PDE4D: variants seen among roughly 807,000 people sequenced by gnomAD.
The protein encoded by PDE4D is 3',5'-cyclic-AMP phosphodiesterase 4D.
In PDE4D, 24 loss-of-function variants were observed where a neutral mutation model predicts 87.4. That is an observed-to-expected ratio of 0.27 (90% CI 0.20 to 0.39). The LOEUF (loss-of-function observed/expected upper bound fraction) is 0.39. PDE4D is among the 10% of genes least tolerant of loss of function. The pLI is 1.00. For synonymous variants in PDE4D, 384 were observed against 383.2 expected (o/e 1.00, Z -0.02); for missense variants, 714 against 1,041.0 (o/e 0.69, Z 4.32).
At chr5:59,343,125 C>T (rs1779036401) in intron 1 of PDE4D, among the ~76,000 whole-genome samples, 1 of 151,970 alleles carries the variant, frequency 6.6e-6, no homozygotes, top group South Asian at 2.1e-4. Context: ...CTCTGGTATG[C>T]TCCTGTGTCT....
At chr5:59,134,844 C>T (rs1171817175) in intron 5 of PDE4D, among the ~76,000 whole-genome samples, 2 of 152,174 alleles carry the variant, frequency 1.3e-5, no homozygotes, top group Non-Finnish European at 2.9e-5. Context: ...TTCCTCATGG[C>T]TCCAAATGTA....
chr5:59,643,102 C>T (rs527485283), intron 1 of PDE4D, among the ~76,000 whole-genome samples: 2 of 152,174 alleles, frequency 1.3e-5, no homozygotes, highest in South Asian at 4.1e-4. Context: ...GTTTTCAGAC[C>T]TTAGGCAACA....
intron 1 of PDE4D, among the ~76,000 whole-genome samples, chr5:60,198,452 G>A (rs1425999029): frequency 6.6e-6 from 1 of 151,378 alleles, no homozygotes; most frequent in Non-Finnish European, 1.5e-5. Context: ...TTCTGTTTTG[G>A]CCATTTTCTA....
At position 59,200,209 on chromosome 5, in the gene PDE4D, A is replaced by C. The variant is rs117067883; in HGVS notation, c.648-6673T>G. The stretch of plus-strand genomic sequence containing the variant: ...TGTATACATACACGTGTATGTATAG[A>C]TACACGTGTATGTATACATACATAT... On this transcript the variant is annotated intron_variant, in intron 2 of 14. Coordinates refer to ENST00000340635, the MANE Select transcript of PDE4D (RefSeq NM_001104631.2). Among the ~76,000 whole-genome samples, 171 of 144,868 alleles carry C rather than the reference A, an allele frequency of 1.2e-3. No individual in the cohort carries two copies. The East Asian group carries it at 0.016, about 14-fold the overall frequency.
rs754869518 is a variant in PDE4D at position 59,754,797 on chromosome 5, A to ATTTTTTTTT, written c.455+138362_455+138370dup. On this transcript the variant is annotated intron_variant, in intron 1 of 14. Coordinates refer to ENST00000340635, the MANE Select transcript of PDE4D (RefSeq NM_001104631.2). ...GCAGGTACAGAATTTTCCACAGAACATTTTTTTTTTTTTTTTTTTTTTTTT... is the reference window on the plus strand; with the variant it reads ...GCAGGTACAGAATTTTCCACAGAACATTTTTTTTTTTTTTTTTTTTTTTTTTTTTTTTTT... Among the ~76,000 whole-genome samples, 106 of 96,904 alleles carry ATTTTTTTTT rather than the reference A, an allele frequency of 1.1e-3. 33 individuals carry two copies. Among genetic ancestry groups the ATTTTTTTTT allele is most frequent in the Middle Eastern group, 0.015 (2 of 130 alleles). The allele number at this position is 96,904 out of a possible 152,430, so 63.6% of individuals were successfully genotyped here. A position where few individuals can be genotyped will look rare whatever the true frequency, so the allele number is the denominator to read the frequency against.
intron 1 of PDE4D, among the ~76,000 whole-genome samples, chr5:59,265,575 C>A (rs1277914744): frequency 6.6e-6 from 1 of 152,106 alleles, no homozygotes; most frequent in East Asian, 1.9e-4. Flanking sequence ...TATAAGCTAA[C>A]AGTTCCTGGT....
At chr5:59,239,934 A>C (rs1255781493) in intron 1 of PDE4D, among the ~76,000 whole-genome samples, 1 of 152,220 alleles carries the variant, frequency 6.6e-6, no homozygotes, top group Non-Finnish European at 1.5e-5. Flanking sequence ...AAAATAGTAC[A>C]TGCTCCGTAA....
intron 1 of PDE4D, among the ~76,000 whole-genome samples, chr5:59,865,181 C>A (rs1746836663): frequency 1.3e-5 from 2 of 152,158 alleles, no homozygotes; most frequent in Non-Finnish European, 2.9e-5. Context: ...AACTAGGTGG[C>A]TCTTAAAACT....
intron 3 of PDE4D, among the ~76,000 whole-genome samples, chr5:59,191,355 T>C (rs1744253235): frequency 6.6e-6 from 1 of 151,894 alleles, no homozygotes; most frequent in Non-Finnish European, 1.5e-5. Context: ...CCATATATCA[T>C]ACACAGACCT....
intron 2 of PDE4D, among the ~76,000 whole-genome samples, chr5:60,082,007 A>G (rs566543251): frequency 1.1e-4 from 17 of 152,256 alleles, no homozygotes; most frequent in African/African-American, 4.1e-4. Context: ...AGTTCTCCCC[A>G]TCCACTCTCC....
At chr5:60,406,884 A>G (rs971001069) in intron 1 of PDE4D, among the ~76,000 whole-genome samples, 1 of 152,138 alleles carries the variant, frequency 6.6e-6, no homozygotes, top group Non-Finnish European at 1.5e-5. Flanking sequence ...AGTAAAAATG[A>G]GTGTGGGGAG....
At chr5:59,641,540 T>C (rs970467161) in intron 1 of PDE4D, among the ~76,000 whole-genome samples, 3 of 152,198 alleles carry the variant, frequency 2.0e-5, no homozygotes, top group African/African-American at 7.2e-5. Context: ...AATAGGAGTC[T>C]TAAAAAATGT....
At chr5:59,567,924 AGGTTGG>A (rs1821215955) in intron 1 of PDE4D, among the ~76,000 whole-genome samples, 1 of 152,228 alleles carries the variant, frequency 6.6e-6, no homozygotes, top group Non-Finnish European at 1.5e-5. Context: ...GTACATACAC[AGGTTGG>A]TATACACAAA....
intron 1 of PDE4D, among the ~76,000 whole-genome samples, chr5:59,662,248 C>G (rs1191594718): frequency 6.6e-6 from 1 of 152,162 alleles, no homozygotes; most frequent in Non-Finnish European, 1.5e-5. Context: ...AATACTTTGG[C>G]TGGAAAGAAA....
chr5:59,020,663 GAATTTTTTTTTTTTTTTAAACAAT>G (rs1465441007), intron 6 of PDE4D, among the ~76,000 whole-genome samples: 2 of 148,168 alleles, frequency 1.3e-5, no homozygotes, highest in Admixed American at 6.7e-5. Context: ...AGGGCTTCTG[GAATTTTTTTTTTTTTTTAAACAAT>G]AAAAGGAAAG....
intron 1 of PDE4D, among the ~76,000 whole-genome samples, chr5:60,246,090 TAA>T (rs1747741519): frequency 6.6e-6 from 1 of 151,806 alleles, no homozygotes; most frequent in African/African-American, 2.4e-5. Context: ...CCAAAAAAAT[TAA>T]AAGTTAATTT....
chr5:59,953,461 C>G (rs1474965235), intron 3 of PDE4D, among the ~76,000 whole-genome samples: 1 of 151,780 alleles, frequency 6.6e-6, no homozygotes, highest in Non-Finnish European at 1.5e-5. Context: ...TTTACTGGAG[C>G]CAACTAAATT....
At chr5:60,462,148 C>A (rs1746995095) in intron 1 of PDE4D, among the ~76,000 whole-genome samples, 1 of 152,152 alleles carries the variant, frequency 6.6e-6, no homozygotes. Context: ...TACATACCCA[C>A]CTGCAGGGAC....
At chr5:59,087,293 A>C (rs1201892352) in intron 5 of PDE4D, among the ~76,000 whole-genome samples, 3 of 152,046 alleles carry the variant, frequency 2.0e-5, no homozygotes, top group Non-Finnish European at 2.9e-5. Context: ...GAGACCAGCC[A>C]AGAAAACATA....
Sources: allele counts gnomAD v4.1 joint callset (sites outside exome capture counted in the v4.1 genomes callset), GRCh38; gene constraint gnomAD v4.1.1; transcripts MANE v1.5; gene names NCBI Gene and HGNC (gene_info 2026-07-23, HGNC 2026-07-21).